The following TEX9 variants were observed in gnomAD, a reference collection of about 807,000 sequenced individuals.
The protein encoded by TEX9 is testis expressed 9, also known as testis-expressed protein 9.
Under a neutral mutation model 59.6 loss-of-function variants are expected in TEX9, and 74 were observed. The ratio of observed to expected loss-of-function variants is 1.24; its 90% CI spans 1.03 to 1.51. The LOEUF is 1.51. TEX9 is among the 40% of genes most tolerant of loss of function. TEX9 has a pLI of 0.00. For synonymous variants in TEX9, 186 were observed against 152.2 expected (o/e 1.22, Z -1.64); for missense variants, 522 against 447.8 (o/e 1.17, Z -1.49).
intron 1 of TEX9, among the ~76,000 whole-genome samples, chr15:56,269,139 A>C (rs2044461814): frequency 6.6e-6 from 1 of 152,124 alleles, no homozygotes; most frequent in Non-Finnish European, 1.5e-5. Flanking sequence ...CTCTGATGGT[A>C]GTTTGTATTC....
the TEX9 span, among the ~76,000 whole-genome samples, chr15:56,453,851 T>TA: frequency 6.6e-6 from 1 of 152,164 alleles, no homozygotes; most frequent in African/African-American, 2.4e-5. Context: ...AAAATAAACT[T>TA]CAATGATTTT....
rs1434816619 is a variant in TEX9 at position 56,429,267 on chromosome 15, C to T, written c.*29+794C>T. 4.3e-6 allele frequency: 4 copies of T among 938,088 alleles called. No individual in the cohort carries two copies. In the East Asian group the frequency reaches 1.0e-4, roughly 24 times the overall value. The allele number at this position is 938,088 out of a possible 1,614,324, so 58.1% of individuals were successfully genotyped here. A position where few individuals can be genotyped will look rare whatever the true frequency, so the allele number is the denominator to read the frequency against. On this transcript the variant is annotated intron_variant, in intron 12 of 12. Transcript: ENST00000352903. ...ACTAAATGCTTTTAAGACTGACAGACATAAGATTAGTAAAGTTATCTCCAA... is the reference window on the plus strand; with the variant it reads ...ACTAAATGCTTTTAAGACTGACAGATATAAGATTAGTAAAGTTATCTCCAA...
At chr15:56,422,421 T>C (rs1446745455) in intron 10 of TEX9, among the ~76,000 whole-genome samples, 1 of 151,776 alleles carries the variant, frequency 6.6e-6, no homozygotes, top group African/African-American at 2.4e-5. Flanking sequence ...CTTTTTGAAT[T>C]GCTTTTTTAA....
intron 1 of TEX9, among the ~76,000 whole-genome samples, chr15:56,261,995 T>G (rs1379759134): frequency 6.6e-6 from 1 of 152,102 alleles, no homozygotes; most frequent in Admixed American, 6.6e-5. Context: ...GTGAAAGGCA[T>G]TCATGGGGAG....
Position 56,410,879 on chromosome 15 carries a change from C to T in TEX9, c.829-1423C>T, listed in dbSNP as rs28685291. ...AACAGTGAGATAAATCAAGCTAGCT[C>T]TTCCTGTAGCTACCACCCACAAAGC... is the stretch of plus-strand genomic sequence containing the variant. On this transcript the variant is annotated intron_variant, in intron 9 of 12. Transcript: ENST00000352903. 2.9e-3 allele frequency among the ~76,000 whole-genome samples: 438 copies of T among 152,324 alleles called. 1 individual carries two copies. Among genetic ancestry groups the T allele is most frequent in the African/African-American group, 1.0e-2 (415 of 41,570 alleles).
intron 7 of TEX9, among the ~76,000 whole-genome samples, chr15:56,392,021 T>G (rs2142291256): frequency 6.6e-6 from 1 of 152,022 alleles, no homozygotes; most frequent in South Asian, 2.1e-4. Flanking sequence ...CCTATGCTAT[T>G]GAAACAAAAA....
chr15:56,317,492 T>G (rs1344073700), intron 1 of TEX9, among the ~76,000 whole-genome samples: 3 of 152,200 alleles, frequency 2.0e-5, no homozygotes, highest in Non-Finnish European at 4.4e-5. Flanking sequence ...CAACTTCTAT[T>G]GATTTTCTCT....
chr15:56,339,406 A>AC (rs2046329657), intron 1 of TEX9, among the ~76,000 whole-genome samples: 2 of 147,316 alleles, frequency 1.4e-5, no homozygotes, highest in African/African-American at 5.1e-5. Flanking sequence ...AAAAAAAAAA[A>AC]AAAAAAAACA....
At chr15:56,395,554 T>G (rs1262899834) in intron 9 of TEX9, 4 of 152,178 alleles carry the variant, frequency 2.6e-5, no homozygotes, top group African/African-American at 9.6e-5. Flanking sequence ...TGCTGACTGT[T>G]TTCCAACCTG....
rs551641757 is a variant in TEX9, at chr15:56,339,522, C to T, written c.-106-33919C>T. 2.1e-4 allele frequency among the ~76,000 whole-genome samples: 31 copies of T among 150,914 alleles called. 1 individual carries two copies. The highest frequency in any genetic ancestry group is 1.7e-3 in the Admixed American group (25 of 15,104). ...CCTGCCTGCTAGGTATTGAAAACAA[C>T]GCATATGCCAGATTAATAAGCCCAT... On this transcript the variant is annotated intron_variant, in intron 1 of 5. Coordinates refer to the TEX9 transcript ENST00000560827.
intron 1 of TEX9, among the ~76,000 whole-genome samples, chr15:56,332,522 T>G (rs1440826283): frequency 6.6e-6 from 1 of 150,548 alleles, no homozygotes; most frequent in Non-Finnish European, 1.5e-5. Flanking sequence ...TAATGCTAGA[T>G]CACGAGTTAG....
chr15:56,392,681 T>G (rs1293242950), intron 7 of TEX9, among the ~76,000 whole-genome samples: 3 of 152,190 alleles, frequency 2.0e-5, no homozygotes, highest in Non-Finnish European at 4.4e-5. Flanking sequence ...AGCAGTTTTC[T>G]TCTGCACTTA....
intron 12 of TEX9, among the ~76,000 whole-genome samples, chr15:56,436,476 T>C (rs933813678): frequency 6.6e-6 from 1 of 152,210 alleles, no homozygotes; most frequent in Non-Finnish European, 1.5e-5. Context: ...GGGAAATTTA[T>C]AGCACTAAAT....
At chr15:56,426,439 T>C (rs547596958) in intron 10 of TEX9, among the ~76,000 whole-genome samples, 135 of 151,432 alleles carry the variant, frequency 8.9e-4, no homozygotes, top group Non-Finnish European at 1.5e-3. Flanking sequence ...GATTGGTTTC[T>C]AGAGCTCTCC....
At chr15:56,295,282 T>TA (rs2045191196) in intron 1 of TEX9, among the ~76,000 whole-genome samples, 1 of 152,166 alleles carries the variant, frequency 6.6e-6, no homozygotes, top group African/African-American at 2.4e-5. Flanking sequence ...ATAGATAATT[T>TA]ACAAAAAATG....
intron 2 of TEX9, 53 bp from the exon 3 acceptor site, chr15:56,373,387 AT>A (rs1567105749): frequency 6.5e-7 from 1 of 1,529,798 alleles, no homozygotes; most frequent in Non-Finnish European, 8.9e-7. Flanking sequence ...GCTGAAGTTT[AT>A]TTTTTATTTT....
At chr15:56,244,953 G>C (rs1410170748) in intron 1 of TEX9, among the ~76,000 whole-genome samples, 2 of 152,146 alleles carry the variant, frequency 1.3e-5, no homozygotes, top group Non-Finnish European at 2.9e-5. Context: ...AACAGCCAAG[G>C]CCTCTGGCAC....
At chr15:56,278,195 G>T (rs2044724823) in intron 1 of TEX9, among the ~76,000 whole-genome samples, 1 of 151,944 alleles carries the variant, frequency 6.6e-6, no homozygotes, top group Admixed American at 6.6e-5. Flanking sequence ...TAGCATTTGT[G>T]GGTCTCCTTC....
intron 1 of TEX9, among the ~76,000 whole-genome samples, chr15:56,283,756 C>A (rs1358194302): frequency 6.6e-6 from 1 of 151,896 alleles, no homozygotes; most frequent in Non-Finnish European, 1.5e-5. Context: ...ATTTACCCCC[C>A]CTTCAAAAAA....
Sources: allele counts gnomAD v4.1 joint callset (sites outside exome capture counted in the v4.1 genomes callset), GRCh38; gene constraint gnomAD v4.1.1; transcripts MANE v1.5; gene names NCBI Gene and HGNC (gene_info 2026-07-23, HGNC 2026-07-21).